The following RBFOX1 variants were observed in gnomAD, a reference collection of about 807,000 sequenced individuals.
RBFOX1 encodes the protein RNA binding protein fox-1 homolog 1.
Under a neutral mutation model 57.7 loss-of-function variants are expected in RBFOX1, and 8 were observed. The observed-to-expected ratio is 0.14, with a 90% CI of 0.08 to 0.25. The LOEUF (loss-of-function observed/expected upper bound fraction) is 0.25. RBFOX1 is among the 10% of genes least tolerant of loss of function. RBFOX1 has a pLI of 1.00. For missense variants in RBFOX1, 611 were observed against 548.5 expected, an observed-to-expected ratio of 1.11 and a Z score of -1.14; for synonymous variants, 326 against 222.4, an observed-to-expected ratio of 1.47 and a Z score of -4.15.
intron 2 of RBFOX1, among the ~76,000 whole-genome samples, chr16:6,572,850 TC>T (rs2097364464): frequency 6.6e-6 from 1 of 152,114 alleles, no homozygotes; most frequent in African/African-American, 2.4e-5. Flanking sequence ...CACCTTCGCC[TC>T]CCAAAGTGTT....
rs890468681 is a variant in RBFOX1, at chr16:7,170,282, C to G, written c.27+118184C>G. The stretch of plus-strand genomic sequence containing the variant: ...TCCTCACCACTGTTAATTGAGCACT[C>G]TGTTTTTAGAGATGGTGTCTTGCTC... On this transcript the variant is annotated intron_variant, in intron 4 of 15. Coordinates refer to ENST00000550418, the MANE Select transcript of RBFOX1 (RefSeq NM_018723.4). Among the ~76,000 whole-genome samples the G allele has an allele frequency of 5.3e-5, 8 of 152,180 alleles. No individual in the cohort carries two copies. The East Asian group carries it at 7.8e-4, about 15-fold the overall frequency.
Position 6,657,151 on chromosome 16 carries a change from T to TCCTCTTTTCC in RBFOX1, c.-16+2502_-16+2511dup, listed in dbSNP as rs1418656610. Among the ~76,000 whole-genome samples, 241 of 149,326 alleles carry TCCTCTTTTCC rather than the reference T, an allele frequency of 1.6e-3. 3 individuals are homozygous for TCCTCTTTTCC. Among genetic ancestry groups the TCCTCTTTTCC allele is most frequent in the African/African-American group, 5.4e-3 (219 of 40,484 alleles). ...TCCTCTCCTCTTCTCTCCTCTTCTC[T>TCCTCTTTTCC]CCTCTTTTCCTCCTTCCCTTTTTCT... On this transcript the variant is annotated intron_variant, in intron 3 of 15. Coordinates refer to ENST00000550418, the MANE Select transcript of RBFOX1 (RefSeq NM_018723.4).
intron 2 of RBFOX1, among the ~76,000 whole-genome samples, chr16:6,347,048 C>A (rs1014498827): frequency 2.6e-5 from 4 of 152,042 alleles, no homozygotes; most frequent in African/African-American, 7.2e-5. Context: ...ATGGACAGAG[C>A]AAGGCAAGGA....
chr16:5,619,490 G>C (rs2048141003), intron 3 of RBFOX1, among the ~76,000 whole-genome samples: 1 of 152,128 alleles, frequency 6.6e-6, no homozygotes, highest in African/African-American at 2.4e-5. Flanking sequence ...TCACAATCCA[G>C]GTTGTTAACA....
In RBFOX1 at chr16:6,320,230, G is replaced by T. The variant is rs188894536; in HGVS notation, c.-64+3173G>T. ...CAGCTGATGCTTGTATCACACAGGA[G>T]ATTAGACTCGCAGCTTTTGTCCCTA... On this transcript the variant is annotated intron_variant, in intron 2 of 15. Coordinates refer to ENST00000550418, the MANE Select transcript of RBFOX1 (RefSeq NM_018723.4). Among the ~76,000 whole-genome samples the T allele has an allele frequency of 3.2e-3, 485 of 152,254 alleles. 3 individuals carry two copies. The highest frequency in any genetic ancestry group is 5.5e-3 in the Non-Finnish European group (375 of 68,022).
intron 3 of RBFOX1, among the ~76,000 whole-genome samples, chr16:6,936,476 A>T (rs2077378787): frequency 6.6e-6 from 1 of 152,126 alleles, no homozygotes; most frequent in Non-Finnish European, 1.5e-5. Flanking sequence ...TTCTTCCTTC[A>T]TCCAACATTG....
At chr16:6,978,679 G>C (rs951787313) in intron 3 of RBFOX1, among the ~76,000 whole-genome samples, 1 of 152,244 alleles carries the variant, frequency 6.6e-6, no homozygotes, top group African/African-American at 2.4e-5. Context: ...TACCGACTTG[G>C]AAGCTGAGGT....
chr16:6,694,156 T>A (rs1328573099), intron 3 of RBFOX1, among the ~76,000 whole-genome samples: 2 of 152,202 alleles, frequency 1.3e-5, no homozygotes, highest in Non-Finnish European at 2.9e-5. Context: ...CTGCCAACTG[T>A]TGGAGTTTTC....
chr16:7,112,977 G>A (rs551119162), intron 4 of RBFOX1, among the ~76,000 whole-genome samples: 4 of 152,226 alleles, frequency 2.6e-5, no homozygotes, highest in East Asian at 1.9e-4. Flanking sequence ...AGGCGCTGCC[G>A]AATTGGTTGG....
chr16:7,141,067 C>G (rs1197937886), intron 4 of RBFOX1, among the ~76,000 whole-genome samples: 1 of 152,112 alleles, frequency 6.6e-6, no homozygotes, highest in Non-Finnish European at 1.5e-5. Context: ...ACCAGGGAAC[C>G]TCCTGACGAT....
intron 4 of RBFOX1, among the ~76,000 whole-genome samples, chr16:7,065,226 G>A (rs1729777337): frequency 1.3e-5 from 2 of 152,176 alleles, no homozygotes; most frequent in Non-Finnish European, 2.9e-5. Context: ...AGCTTACTTA[G>A]AAATTTTGCT....
intron 2 of RBFOX1, among the ~76,000 whole-genome samples, chr16:6,446,335 G>A (rs1290866099): frequency 6.6e-6 from 1 of 152,020 alleles, no homozygotes. Context: ...ATTGGTTTCT[G>A]GAGTATTGGT....
rs563570816 is a variant in RBFOX1, at chr16:7,512,177, G to T, written c.28-5970G>T. Among the ~76,000 whole-genome samples, 134 of 152,312 alleles carry T rather than the reference G, an allele frequency of 8.8e-4. 1 individual carries two copies. The highest frequency in any genetic ancestry group is 2.0e-3 in the Admixed American group (31 of 15,296). ...CTGCAAATGAGGGAATGTCTAGCCA[G>T]AATGCTCCAAATAATTTTGCCTGTC... On this transcript the variant is annotated intron_variant, in intron 4 of 15. Transcript: ENST00000550418.
At chr16:6,415,553 T>C (rs936466044) in intron 2 of RBFOX1, among the ~76,000 whole-genome samples, 1 of 151,742 alleles carries the variant, frequency 6.6e-6, no homozygotes, top group African/African-American at 2.4e-5. Flanking sequence ...ATACAAAAAT[T>C]AGCTGGGCGT....
chr16:7,148,958 C>G (rs1321747061), intron 4 of RBFOX1, among the ~76,000 whole-genome samples: 3 of 152,200 alleles, frequency 2.0e-5, no homozygotes, highest in Non-Finnish European at 2.9e-5. Context: ...CAAGAAGGCA[C>G]AAAGATAGGA....
chr16:7,026,691 G>A (rs9302835), intron 3 of RBFOX1, among the ~76,000 whole-genome samples: 8,956 of 152,190 alleles, frequency 0.059, 894 homozygotes, highest in African/African-American at 0.2. Flanking sequence ...CTCTCAGGTC[G>A]GGTGACTTAC....
chr16:5,929,215 G>A (rs979200795), intron 4 of RBFOX1, among the ~76,000 whole-genome samples: 30 of 152,118 alleles, frequency 2.0e-4, no homozygotes, highest in African/African-American at 6.7e-4. Context: ...CCCTCCCCCA[G>A]CACCTCTGTG....
rs566261739 is a variant in RBFOX1, at chr16:6,594,325, A to C, written c.-63-60278A>C. Among the ~76,000 whole-genome samples, 6 of 152,190 alleles carry C rather than the reference A, an allele frequency of 3.9e-5. No homozygotes were observed. The South Asian group carries it at 1.0e-3, about 26-fold the overall frequency. ...CCCATGACCCTGGGAGGCCGACAAG[A>C]TCCCATATTTAACCTATCCTTACCA... On this transcript the variant is annotated intron_variant, in intron 2 of 15. Transcript: ENST00000550418.
chr16:6,759,186 T>G (rs1416466196), intron 3 of RBFOX1, among the ~76,000 whole-genome samples: 1 of 151,594 alleles, frequency 6.6e-6, no homozygotes, highest in East Asian at 1.9e-4. Context: ...AGTCTCGCTC[T>G]GTTGCCCAGG....
Sources: allele counts gnomAD v4.1 joint callset (sites outside exome capture counted in the v4.1 genomes callset), GRCh38; gene constraint gnomAD v4.1.1; transcripts MANE v1.5; gene names NCBI Gene and HGNC (gene_info 2026-07-23, HGNC 2026-07-21).